The following JAM3 variants were observed in gnomAD, a reference collection of about 807,000 sequenced individuals.
JAM3 encodes junctional adhesion molecule C.
Under a neutral mutation model 39.4 loss-of-function variants are expected in JAM3, and 31 were observed. That is an observed-to-expected ratio of 0.79 (90% CI 0.59 to 1.06). The LOEUF (loss-of-function observed/expected upper bound fraction) is 1.06. JAM3 is among the 50% of genes least tolerant of loss of function. The probability of loss-of-function intolerance (pLI) is 0.00; values close to 1 mark genes in which losing one functional copy is unlikely to be tolerated. For missense variants in JAM3, 455 were observed against 391.4 expected (o/e 1.16, Z -1.37); for synonymous variants, 182 against 148.7 (o/e 1.22, Z -1.63).
intron 1 of JAM3, among the ~76,000 whole-genome samples, chr11:134,091,962 T>C (rs1303691187): frequency 6.6e-6 from 1 of 152,128 alleles, no homozygotes; most frequent in East Asian, 1.9e-4. Flanking sequence ...TCAGTATTTG[T>C]AATATATCTA....
At chr11:134,095,730 G>A (rs192430725) in intron 1 of JAM3, among the ~76,000 whole-genome samples, 1 of 152,206 alleles carries the variant, frequency 6.6e-6, no homozygotes, top group Admixed American at 6.5e-5. Flanking sequence ...ACTCAGTTAC[G>A]AGTGTGCTGT....
intron 1 of JAM3, among the ~76,000 whole-genome samples, chr11:134,074,826 T>TCC (rs1163080535): frequency 6.6e-6 from 1 of 152,140 alleles, no homozygotes. Flanking sequence ...GAAAGATGTT[T>TCC]CCCGAAGCAC....
chr11:134,129,258 A>G (rs921168293), intron 1 of JAM3, among the ~76,000 whole-genome samples: 3 of 151,814 alleles, frequency 2.0e-5, no homozygotes, highest in Non-Finnish European at 1.5e-5. Context: ...ATGGGACTAT[A>G]GGCACCCGCC....
chr11:134,115,006 A>G lies in JAM3; in HGVS notation c.77-24845A>G, dbSNP rs565135615. On this transcript the variant is annotated intron_variant, in intron 1 of 8. Transcript: ENST00000299106. The stretch of plus-strand genomic sequence containing the variant: ...TTGCAGTTCTTTTCAGTTTTTGCAT[A>G]ATATATTTTGAAGCTCTGTTACTAG... Among the ~76,000 whole-genome samples the G allele has an allele frequency of 3.9e-5, 6 of 152,194 alleles. No individual in the cohort carries two copies. The South Asian group carries it at 1.0e-3, about 26-fold the overall frequency.
At chr11:134,070,805 C>T (rs1297859735) in intron 1 of JAM3, among the ~76,000 whole-genome samples, 1 of 152,260 alleles carries the variant, frequency 6.6e-6, no homozygotes, top group Non-Finnish European at 1.5e-5. Context: ...AAGAGCTTCA[C>T]TTACCCTTAA....
At chr11:134,083,366 T>C (rs1286805365) in intron 1 of JAM3, among the ~76,000 whole-genome samples, 2 of 152,222 alleles carry the variant, frequency 1.3e-5, no homozygotes, top group Non-Finnish European at 2.9e-5. Context: ...TTTTATAACA[T>C]TGGATGAGGG....
intron 1 of JAM3, among the ~76,000 whole-genome samples, chr11:134,099,072 T>C (rs909328894): frequency 6.6e-5 from 10 of 152,232 alleles, no homozygotes; most frequent in Middle Eastern, 3.4e-3. Flanking sequence ...TGGTGGTGCA[T>C]GCCTGTAGTC....
chr11:134,134,596 A>T (rs1287961354), intron 1 of JAM3, among the ~76,000 whole-genome samples: 1 of 152,148 alleles, frequency 6.6e-6, no homozygotes, highest in Non-Finnish European at 1.5e-5. Flanking sequence ...CAAGCTTTTC[A>T]TGGTGGCTGC....
intron 1 of JAM3, among the ~76,000 whole-genome samples, chr11:134,114,898 C>G (rs1443632491): frequency 2.6e-5 from 4 of 152,194 alleles, no homozygotes; most frequent in African/African-American, 4.8e-5. Flanking sequence ...AGCATTCTTA[C>G]TGATTTTCTG....
At chr11:134,096,268 C>T (rs866616581) in intron 1 of JAM3, among the ~76,000 whole-genome samples, 2 of 152,142 alleles carry the variant, frequency 1.3e-5, no homozygotes, top group African/African-American at 4.8e-5. Flanking sequence ...ACACCCAGCC[C>T]GTGTAGAAGG....
At chr11:134,101,392 T>C (rs1158021697) in intron 1 of JAM3, among the ~76,000 whole-genome samples, 2 of 152,206 alleles carry the variant, frequency 1.3e-5, no homozygotes, top group Non-Finnish European at 2.9e-5. Flanking sequence ...AAGACCAGAA[T>C]ATTTATTCAA....
At position 134,149,450 on chromosome 11, in the gene JAM3, C is replaced by T. The variant is rs970547555; in HGVS notation, c.*269C>T. On this transcript the variant is annotated 3_prime_UTR_variant, in exon 9 of 9. Transcript: ENST00000299106. ...AGTTGGGTTCCTAATCTGTTTCTGG[C>T]CTGATTCCCGCATGAGTATTAGGGT... 15 of 588,570 alleles carry T rather than the reference C, an allele frequency of 2.5e-5. No homozygotes were observed. In the South Asian group the frequency reaches 2.7e-4, roughly 11 times the overall value. 36.5% of individuals were successfully genotyped at this position (588,570 alleles called of 1,614,324 possible). A position where few individuals can be genotyped will look rare whatever the true frequency, so the allele number is the denominator to read the frequency against.
At chr11:134,105,780 C>T (rs1186808234) in intron 1 of JAM3, among the ~76,000 whole-genome samples, 1 of 152,122 alleles carries the variant, frequency 6.6e-6, no homozygotes, top group East Asian at 1.9e-4. Context: ...ACCTAGGAAT[C>T]CAACTTACAA....
chr11:134,090,396 A>G (rs1309847292), intron 1 of JAM3, among the ~76,000 whole-genome samples: 2 of 152,088 alleles, frequency 1.3e-5, no homozygotes, highest in Non-Finnish European at 2.9e-5. Flanking sequence ...TATGTGCTGA[A>G]TGGTATTGCC....
chr11:134,073,049 C>A (rs1941508377), intron 1 of JAM3, among the ~76,000 whole-genome samples: 1 of 152,160 alleles, frequency 6.6e-6, no homozygotes, highest in Non-Finnish European at 1.5e-5. Context: ...GTAAAGCGAT[C>A]CCGAAAGAAA....
chr11:134,124,270 G>A (rs112149794), intron 1 of JAM3: 263 of 998,882 alleles, frequency 2.6e-4, no homozygotes, highest in African/African-American at 2.5e-3. Flanking sequence ...GTAGGGTTGT[G>A]AGTTACAAGA....
chr11:134,142,621 T>G (rs1330805545), intron 3 of JAM3, among the ~76,000 whole-genome samples: 1 of 152,200 alleles, frequency 6.6e-6, no homozygotes, highest in Non-Finnish European at 1.5e-5. Flanking sequence ...TTTAAAATGT[T>G]TTTTTATGGA....
chr11:134,136,980 G>T (rs535557294), intron 1 of JAM3, among the ~76,000 whole-genome samples: 1 of 152,124 alleles, frequency 6.6e-6, no homozygotes, highest in East Asian at 1.9e-4. Flanking sequence ...AGGCGTGGTG[G>T]TGGGCGCCTG....
chr11:134,095,893 G>C (rs1941973476), intron 1 of JAM3, among the ~76,000 whole-genome samples: 1 of 152,154 alleles, frequency 6.6e-6, no homozygotes, highest in Non-Finnish European at 1.5e-5. Context: ...TCCTTGACTT[G>C]CAAACACTCA....
Sources: allele counts gnomAD v4.1 joint callset (sites outside exome capture counted in the v4.1 genomes callset), GRCh38; gene constraint gnomAD v4.1.1; transcripts MANE v1.5; gene names NCBI Gene and HGNC (gene_info 2026-07-23, HGNC 2026-07-21).